GRB10: variants seen among roughly 807,000 people sequenced by gnomAD.
GRB10 encodes the protein growth factor receptor-bound protein 10.
In GRB10, 20 loss-of-function variants were observed where a neutral mutation model predicts 80.9. The observed-to-expected ratio is 0.25, with a 90% CI of 0.17 to 0.36. The LOEUF is 0.36. Ranked by LOEUF, GRB10 falls within the 10% of genes least tolerant of loss-of-function variation. The probability of loss-of-function intolerance (pLI) is 1.00; values close to 1 mark genes in which losing one functional copy is unlikely to be tolerated. For missense variants in GRB10, 548 were observed against 747.7 expected, an observed-to-expected ratio of 0.73 and a Z score of 3.12; for synonymous variants, 291 against 291.5, an observed-to-expected ratio of 1.00 and a Z score of 0.02.
intron 2 of GRB10, among the ~76,000 whole-genome samples, chr7:50,761,149 C>A (rs1054764994): frequency 1.3e-5 from 2 of 152,142 alleles, no homozygotes; most frequent in Non-Finnish European, 2.9e-5. Flanking sequence ...AATTATATGC[C>A]AAGGCCACAC....
intron 5 of GRB10, among the ~76,000 whole-genome samples, chr7:50,699,412 G>A (rs1194137860): frequency 5.3e-5 from 8 of 152,206 alleles, no homozygotes; most frequent in Non-Finnish European, 7.3e-5. Flanking sequence ...ACAAGTTAAG[G>A]AGGTTTCTTT....
At chr7:50,604,872 A>C in intron 15 of GRB10, 1 of 290,296 alleles carries the variant, frequency 3.4e-6, no homozygotes, top group Non-Finnish European at 6.5e-6. Context: ...GGAGATTAAG[A>C]ACCTAAGCCT....
At chr7:50,595,809 T>C (rs1214694112) in intron 17 of GRB10, 4 of 374,826 alleles carry the variant, frequency 1.1e-5, no homozygotes, top group Admixed American at 4.0e-5. Flanking sequence ...AGGGAAACTA[T>C]AGGATGAAAA....
chr7:50,594,208 G>A (rs1437087995), intron 18 of GRB10, among the ~76,000 whole-genome samples: 1 of 152,192 alleles, frequency 6.6e-6, no homozygotes. Flanking sequence ...CCTCACCCCA[G>A]TGCGGTGCAG....
chr7:50,670,938 G>C (rs2060294563), intron 6 of GRB10, among the ~76,000 whole-genome samples: 1 of 152,022 alleles, frequency 6.6e-6, no homozygotes, highest in Non-Finnish European at 1.5e-5. Context: ...ACATCTCCAG[G>C]GGCATCTGTT....
At chr7:50,638,343 A>G (rs961193796) in intron 7 of GRB10, among the ~76,000 whole-genome samples, 2 of 152,154 alleles carry the variant, frequency 1.3e-5, no homozygotes, top group East Asian at 1.9e-4. Context: ...TTTGCAAATT[A>G]TGACAAAGGA....
chr7:50,732,706 C>T (rs1252683652), intron 3 of GRB10, among the ~76,000 whole-genome samples: 1 of 152,180 alleles, frequency 6.6e-6, no homozygotes, highest in Non-Finnish European at 1.5e-5. Flanking sequence ...TCTATTAACA[C>T]CCTGCAAACT....
intron 4 of GRB10, among the ~76,000 whole-genome samples, chr7:50,709,841 A>G (rs748295402): frequency 6.6e-6 from 1 of 152,054 alleles, no homozygotes; most frequent in South Asian, 2.1e-4. Context: ...CCCCAGCCAG[A>G]GCTGCTAAGT....
chr7:50,748,079 C>T (rs1587812732), intron 3 of GRB10, among the ~76,000 whole-genome samples: 1 of 152,192 alleles, frequency 6.6e-6, no homozygotes, highest in South Asian at 2.1e-4. Context: ...TTGTTCTCAT[C>T]CCCGCCTGAT....
At chr7:50,790,671 G>A (rs1157027196) in intron 1 of GRB10, among the ~76,000 whole-genome samples, 9 of 152,208 alleles carry the variant, frequency 5.9e-5, no homozygotes, top group African/African-American at 9.6e-5. Context: ...CTACGATCCC[G>A]TAGGTTTCTC....
chr7:50,732,797 G>A (rs528371285), intron 3 of GRB10, among the ~76,000 whole-genome samples: 9 of 152,220 alleles, frequency 5.9e-5, no homozygotes, highest in Admixed American at 5.9e-4. Context: ...TTGGGGACAG[G>A]ACCACAGAAC....
At chr7:50,743,117 A>G (rs2072193820) in intron 3 of GRB10, among the ~76,000 whole-genome samples, 1 of 152,226 alleles carries the variant, frequency 6.6e-6, no homozygotes, top group South Asian at 2.1e-4. Flanking sequence ...TTCTTCCACA[A>G]TGCATTGATG....
At chr7:50,747,193 C>A (rs115446179) in intron 3 of GRB10, among the ~76,000 whole-genome samples, 2,613 of 152,208 alleles carry the variant, frequency 0.017, 85 homozygotes, top group African/African-American at 0.059. Context: ...GTGGGCACTA[C>A]AATGAGGAAG....
intron 4 of GRB10, among the ~76,000 whole-genome samples, chr7:50,731,758 G>A (rs1254113265): frequency 2.0e-5 from 3 of 152,178 alleles, no homozygotes; most frequent in Non-Finnish European, 4.4e-5. Context: ...ATTCCACCTA[G>A]GGCTCTCAGG....
rs960610076 is a variant in GRB10 at position 50,593,027 on chromosome 7, C to G, written c.1710G>C (p.Leu570=). 1 of 1,614,174 alleles carries G rather than the reference C, an allele frequency of 6.2e-7. No homozygotes were observed. The highest frequency in any genetic ancestry group is 2.2e-5 in the East Asian group (1 of 44,876). ...CTTTGTTCAGCTGGTAAAAGTCAAC[C>G]AGCTGGATCAGGTCAGAGAATTTGG... ...GNTKFSDLIQ[L]VDFYQLNKGV... Residue 570 remains leucine, a synonymous_variant, in exon 19 of 19, where the codon CTG becomes CTC. Transcript: ENST00000401949.
Position 50,614,884 on chromosome 7 carries a change from T to C in GRB10, c.985-4A>G, listed in dbSNP as rs1480875220. The C allele has an allele frequency of 6.3e-7, 1 of 1,590,872 alleles. No homozygotes were observed. Among genetic ancestry groups the C allele is most frequent in the East Asian group, 2.2e-5 (1 of 44,750 alleles). ...GCAGCTGCAGGTGTCTGGGTTCCTGTGACAACACTGGCCAGGTTAAAGTCT... is the reference window on the plus strand; with the variant it reads ...GCAGCTGCAGGTGTCTGGGTTCCTGCGACAACACTGGCCAGGTTAAAGTCT... On this transcript the variant is annotated splice_polypyrimidine_tract_variant and splice_region_variant and intron_variant, in intron 11 of 18. Coordinates refer to ENST00000401949, the MANE Select transcript of GRB10 (RefSeq NM_001350814.2).
chr7:50,681,439 C>T (rs369524849), intron 5 of GRB10, among the ~76,000 whole-genome samples: 146 of 152,298 alleles, frequency 9.6e-4, no homozygotes, highest in Admixed American at 3.6e-3. Context: ...GGATGCCGCC[C>T]GACCTTAAGG....
chr7:50,693,946 G>A (rs1274786461), intron 5 of GRB10, among the ~76,000 whole-genome samples: 5 of 152,036 alleles, frequency 3.3e-5, no homozygotes, highest in African/African-American at 9.6e-5. Flanking sequence ...GAGCAACAAA[G>A]TGTCTCTGGC....
intron 4 of GRB10, among the ~76,000 whole-genome samples, chr7:50,731,632 T>C (rs1404932842): frequency 6.6e-6 from 1 of 152,152 alleles, no homozygotes; most frequent in Non-Finnish European, 1.5e-5. Context: ...AAGTGAAAGT[T>C]CAAATAAAAT....
Sources: gnomAD v4.1 joint callset for allele counts (sites outside exome capture counted in the v4.1 genomes callset) on GRCh38, gnomAD v4.1.1 for gene constraint, MANE v1.5 for transcripts, NCBI Gene and HGNC (gene_info 2026-07-23, HGNC 2026-07-21) for gene names.